Variants in LARGE1 observed in about 807,000 individuals in gnomAD.
LARGE1 encodes the protein LARGE xylosyl- and glucuronyltransferase 1, also known as xylosyl- and glucuronyltransferase LARGE1.
LARGE1 carries 43 observed loss-of-function variants against 87.6 expected under a neutral mutation model. That is an observed-to-expected ratio of 0.49 (90% CI 0.38 to 0.63). The LOEUF is 0.63. Ranked by LOEUF, LARGE1 falls within the 30% of genes least tolerant of loss-of-function variation. LARGE1 has a pLI of 0.00. For synonymous variants in LARGE1, 434 were observed against 394.6 expected, an observed-to-expected ratio of 1.10 and a Z score of -1.18; for missense variants, 802 against 1,000.2, an observed-to-expected ratio of 0.80 and a Z score of 2.67.
chr22:33,094,470 C>T, the LARGE1 span, among the ~76,000 whole-genome samples: 1 of 152,330 alleles, frequency 6.6e-6, no homozygotes, highest in East Asian at 1.9e-4. Context: ...CCAGCCCACC[C>T]TTAGCTACAG....
intron 7 of LARGE1, among the ~76,000 whole-genome samples, chr22:33,409,818 G>GCA: frequency 5.5e-5 from 8 of 145,558 alleles, no homozygotes; most frequent in Non-Finnish European, 5.9e-5. Context: ...CCAAGATCAT[G>GCA]CCACTGCACT....
intron 6 of LARGE1, among the ~76,000 whole-genome samples, chr22:33,442,116 C>A (rs556869929): frequency 6.6e-6 from 1 of 152,242 alleles, no homozygotes; most frequent in African/African-American, 2.4e-5. Flanking sequence ...GGAAGAAAGA[C>A]GTTGCTTATT....
intron 12 of LARGE1, among the ~76,000 whole-genome samples, chr22:33,298,957 C>T (rs540691283): frequency 6.6e-6 from 1 of 151,194 alleles, no homozygotes; most frequent in African/African-American, 2.4e-5. Flanking sequence ...GCCTGTAATC[C>T]CAGCACTTTG....
intron 1 of LARGE1, among the ~76,000 whole-genome samples, chr22:33,871,416 C>T (rs1288125171): frequency 6.6e-6 from 1 of 152,170 alleles, no homozygotes; most frequent in Non-Finnish European, 1.5e-5. Flanking sequence ...GACACAGACT[C>T]AGCCTGCCAG....
chr22:33,075,051 G>T, the LARGE1 span, among the ~76,000 whole-genome samples: 3 of 152,308 alleles, frequency 2.0e-5, no homozygotes, highest in East Asian at 1.9e-4. Context: ...TTGGAACCAA[G>T]ATTTAAATGC....
chr22:33,323,277 T>C (rs1936927545), intron 10 of LARGE1, among the ~76,000 whole-genome samples: 1 of 152,278 alleles, frequency 6.6e-6, no homozygotes, highest in Non-Finnish European at 1.5e-5. Context: ...CTCCTCTACA[T>C]GGTGCTTTGC....
At chr22:33,258,817 C>T (rs1927457455) in intron 11 of LARGE1, among the ~76,000 whole-genome samples, 2 of 151,924 alleles carry the variant, frequency 1.3e-5, no homozygotes, top group African/African-American at 4.8e-5. Flanking sequence ...TTTCCTGTAA[C>T]AGCAGGAGAG....
chr22:33,794,278 T>C (rs2085914405), intron 1 of LARGE1, among the ~76,000 whole-genome samples: 1 of 152,198 alleles, frequency 6.6e-6, no homozygotes, highest in African/African-American at 2.4e-5. Context: ...CTGAGTCTGA[T>C]TCTTCTCAGG....
intron 12 of LARGE1, among the ~76,000 whole-genome samples, chr22:33,287,091 T>C (rs1931685846): frequency 6.6e-6 from 1 of 152,258 alleles, no homozygotes; most frequent in Non-Finnish European, 1.5e-5. Flanking sequence ...ACTTCTGAAC[T>C]GCTGCAGAGG....
intron 6 of LARGE1, among the ~76,000 whole-genome samples, chr22:33,553,891 TGA>T (rs2077600878): frequency 6.6e-6 from 1 of 152,058 alleles, no homozygotes; most frequent in African/African-American, 2.4e-5. Context: ...CTCACCTCCG[TGA>T]GAGTCTGAGC....
chr22:33,166,958 G>T, intron 11 of LARGE1: 1 of 416,336 alleles, frequency 2.4e-6, no homozygotes, highest in South Asian at 1.8e-5. Context: ...AAATTTCAGA[G>T]CGAAACTCCC....
At chr22:33,512,584 C>T (rs2071105568) in intron 6 of LARGE1, among the ~76,000 whole-genome samples, 1 of 152,176 alleles carries the variant, frequency 6.6e-6, no homozygotes, top group Admixed American at 6.5e-5. Flanking sequence ...AGGAAGATCA[C>T]CTGAGGTCAG....
At chr22:33,894,961 T>C (rs1461561862) in intron 1 of LARGE1, among the ~76,000 whole-genome samples, 1 of 152,110 alleles carries the variant, frequency 6.6e-6, no homozygotes, top group Non-Finnish European at 1.5e-5. Context: ...AATGGTTTAA[T>C]GGGATAACAA....
At chr22:33,523,167 G>C (rs781444116) in intron 6 of LARGE1, among the ~76,000 whole-genome samples, 2 of 151,802 alleles carry the variant, frequency 1.3e-5, no homozygotes, top group African/African-American at 4.8e-5. Flanking sequence ...AGCACACCCA[G>C]ATAATTTTGT....
intron 13 of LARGE1, 81 bp from the exon 14 acceptor site, chr22:33,277,336 G>T: frequency 1.5e-6 from 2 of 1,321,362 alleles, no homozygotes; most frequent in Non-Finnish European, 2.1e-6. Flanking sequence ...AGGAAGAAGG[G>T]GTGTACACTG....
chr22:33,202,980 TATA>T (rs963833331), intron 11 of LARGE1, among the ~76,000 whole-genome samples: 3 of 152,176 alleles, frequency 2.0e-5, no homozygotes, highest in African/African-American at 7.2e-5. Flanking sequence ...AGGATAATAA[TATA>T]ATAAGACTTT....
chr22:33,835,445 C>G (rs191845127), intron 1 of LARGE1, among the ~76,000 whole-genome samples: 1 of 152,188 alleles, frequency 6.6e-6, no homozygotes, highest in Admixed American at 6.5e-5. Flanking sequence ...GGTGCTTTCA[C>G]AGTCATGTTA....
intron 7 of LARGE1, among the ~76,000 whole-genome samples, chr22:33,412,121 T>C (rs536385782): frequency 6.6e-5 from 10 of 152,194 alleles, no homozygotes; most frequent in South Asian, 2.1e-4. Flanking sequence ...CCGTCTCTAC[T>C]AAAAGTACAA....
chr22:33,532,196 T>A (rs2072239521), intron 6 of LARGE1, among the ~76,000 whole-genome samples: 1 of 152,256 alleles, frequency 6.6e-6, no homozygotes, highest in Admixed American at 6.5e-5. Context: ...CCAACTTTTG[T>A]TTCCTTGTAC....
Sources: gnomAD v4.1 joint callset for allele counts (sites outside exome capture counted in the v4.1 genomes callset) on GRCh38, gnomAD v4.1.1 for gene constraint, MANE v1.5 for transcripts, NCBI Gene and HGNC (gene_info 2026-07-23, HGNC 2026-07-21) for gene names.